Variants in PCMT1 observed in about 807,000 individuals in gnomAD.
PCMT1 encodes protein-L-isoaspartate(D-aspartate) O-methyltransferase.
In PCMT1, 9 loss-of-function variants were observed where a neutral mutation model predicts 29.2. That is an observed-to-expected ratio of 0.31 (90% CI 0.19 to 0.54). The LOEUF is 0.54. PCMT1 is among the 20% of genes least tolerant of loss of function. The pLI is 0.95. For missense variants in PCMT1, 184 were observed against 282.2 expected (o/e 0.65, Z 2.49); for synonymous variants, 98 against 97.5 (o/e 1.00, Z -0.03).
At chr6:149,799,950 C>T (rs1202401760) in intron 6 of PCMT1, among the ~76,000 whole-genome samples, 1 of 152,142 alleles carries the variant, frequency 6.6e-6, no homozygotes, top group East Asian at 1.9e-4. Context: ...TAAGGGAGTT[C>T]AATCCTTATC....
intron 3 of PCMT1, among the ~76,000 whole-genome samples, chr6:149,780,609 A>C (rs1462622217): frequency 1.3e-5 from 2 of 152,208 alleles, no homozygotes; most frequent in Non-Finnish European, 2.9e-5. Context: ...GAATCATATA[A>C]TATGTTGCCT....
intron 3 of PCMT1, among the ~76,000 whole-genome samples, chr6:149,778,980 A>C (rs746024006): frequency 6.6e-6 from 1 of 152,212 alleles, no homozygotes; most frequent in African/African-American, 2.4e-5. Context: ...AATGAATTTT[A>C]TAAGTATAAT....
chr6:149,803,753 C>T (rs939134599), intron 7 of PCMT1, among the ~76,000 whole-genome samples: 11 of 148,580 alleles, frequency 7.4e-5, no homozygotes, highest in Non-Finnish European at 1.5e-4. Flanking sequence ...TTATTCTTCA[C>T]CAATAGCTAT....
At chr6:149,756,858 A>T (rs1287919146) in intron 1 of PCMT1, among the ~76,000 whole-genome samples, 1 of 151,806 alleles carries the variant, frequency 6.6e-6, no homozygotes, top group Non-Finnish European at 1.5e-5. Context: ...AAATTATATA[A>T]AAATAAATAA....
chr6:149,787,823 CTGTG>C (rs35913473), intron 3 of PCMT1, among the ~76,000 whole-genome samples: 42 of 150,030 alleles, frequency 2.8e-4, no homozygotes, highest in African/African-American at 7.8e-4. Context: ...CCTCTCTCCT[CTGTG>C]TGTGTGTGTG....
chr6:149,786,823 T>G (rs1423107456), intron 3 of PCMT1, among the ~76,000 whole-genome samples: 1 of 125,454 alleles, frequency 8.0e-6, no homozygotes, highest in Non-Finnish European at 1.7e-5. Flanking sequence ...CGCTCCTCAC[T>G]TCCTAGATGG....
intron 1 of PCMT1, among the ~76,000 whole-genome samples, chr6:149,752,623 T>C (rs979139938): frequency 7.2e-5 from 11 of 152,342 alleles, no homozygotes; most frequent in African/African-American, 2.4e-4. Context: ...GGATGGCACA[T>C]AAGCTCAATA....
intron 7 of PCMT1, among the ~76,000 whole-genome samples, chr6:149,806,884 C>T (rs531675676): frequency 6.6e-6 from 1 of 152,032 alleles, no homozygotes; most frequent in South Asian, 2.1e-4. Flanking sequence ...GAGCCACCAG[C>T]CTCAAACTTT....
chr6:149,801,998 G>A (rs1403551672), intron 6 of PCMT1, among the ~76,000 whole-genome samples: 7 of 152,012 alleles, frequency 4.6e-5, no homozygotes, highest in African/African-American at 9.7e-5. Flanking sequence ...GCATGGTGGC[G>A]TGTGCCTGTA....
chr6:149,772,272 A>G (rs1787358592), intron 2 of PCMT1: 1 of 344,214 alleles, frequency 2.9e-6, no homozygotes, highest in South Asian at 2.3e-5. Context: ...AGAAAGCAAC[A>G]CCACAAGAAA....
intron 5 of PCMT1, 53 bp from the exon 6 acceptor site, chr6:149,796,362 C>G: frequency 8.2e-7 from 1 of 1,225,636 alleles, no homozygotes; most frequent in Non-Finnish European, 1.2e-6. Context: ...TAGAATTCTT[C>G]ACATTAAGTT....
chr6:149,772,440 G>A (rs1405686621), intron 2 of PCMT1: 13 of 320,776 alleles, frequency 4.1e-5, no homozygotes, highest in Non-Finnish European at 7.9e-5. Context: ...ATTTAATTTT[G>A]CACAGACTTT....
At chr6:149,761,827 G>GTAAATAAATCTTC (rs1295140384) in intron 1 of PCMT1, among the ~76,000 whole-genome samples, 2 of 152,102 alleles carry the variant, frequency 1.3e-5, no homozygotes, top group Non-Finnish European at 2.9e-5. Flanking sequence ...GTTTTGAGCA[G>GTAAATAAATCTTC]TAAATAAATC....
At chr6:149,750,119 C>T in intron 1 of PCMT1, 163 bp downstream of exon 1, 1 of 980,792 alleles carries the variant, frequency 1.0e-6, no homozygotes, top group South Asian at 1.8e-5. Context: ...TTGCAGTCGC[C>T]TCCCTCGGGA....
At chr6:149,778,170 T>C (rs968347903) in intron 3 of PCMT1, among the ~76,000 whole-genome samples, 1 of 151,514 alleles carries the variant, frequency 6.6e-6, no homozygotes, top group African/African-American at 2.4e-5. Flanking sequence ...AGCCACTGTG[T>C]CTGGCGTGTT....
chr6:149,778,510 T>C (rs1434642432), intron 3 of PCMT1, among the ~76,000 whole-genome samples: 4 of 152,132 alleles, frequency 2.6e-5, no homozygotes, highest in African/African-American at 9.7e-5. Context: ...ATTACAGGCC[T>C]GAGCCACTGC....
chr6:149,749,752 A>C lies in PCMT1; in HGVS notation c.-150A>C. ...GATGCCGGGAGCGCGCAGTGGCGGC[A>C]GCGGCGGCGACGGCAGTAACAGCGG... On this transcript the variant is annotated 5_prime_UTR_variant, in exon 1 of 8. Coordinates refer to ENST00000464889, the MANE Select transcript of PCMT1 (RefSeq NM_001360452.2). 2.6e-6 allele frequency: 4 copies of C among 1,546,048 alleles called. No individual in the cohort carries two copies. Among genetic ancestry groups the C allele is most frequent in the Non-Finnish European group, 3.5e-6 (4 of 1,144,664 alleles).
intron 1 of PCMT1, among the ~76,000 whole-genome samples, chr6:149,767,797 T>A (rs1010181817): frequency 2.8e-5 from 3 of 106,130 alleles, no homozygotes; most frequent in Non-Finnish European, 5.1e-5. Context: ...AATTTTTTGT[T>A]CGTTTGTTTG....
At chr6:149,795,619 C>A in intron 5 of PCMT1, 1 of 497,486 alleles carries the variant, frequency 2.0e-6, no homozygotes, top group Non-Finnish European at 3.7e-6. Flanking sequence ...ATTGGTTCCA[C>A]TGTGTTTCAA....
Sources: allele counts gnomAD v4.1 joint callset (sites outside exome capture counted in the v4.1 genomes callset), GRCh38; gene constraint gnomAD v4.1.1; transcripts MANE v1.5; gene names NCBI Gene and HGNC (gene_info 2026-07-23, HGNC 2026-07-21).